The following BCL7A variants were observed in gnomAD, a reference collection of about 807,000 sequenced individuals.
BCL7A encodes the protein BAF chromatin remodeling complex subunit BCL7A.
Under a neutral mutation model 28.4 loss-of-function variants are expected in BCL7A, and 11 were observed. The ratio of observed to expected loss-of-function variants is 0.39; its 90% CI spans 0.24 to 0.64. The LOEUF is 0.64. BCL7A is among the 30% of genes least tolerant of loss of function. The pLI is 0.50. For missense variants in BCL7A, 222 were observed against 274.8 expected, an observed-to-expected ratio of 0.81 and a Z score of 1.36; for synonymous variants, 123 against 103.3, an observed-to-expected ratio of 1.19 and a Z score of -1.15.
In BCL7A at chr12:122,043,986, C is replaced by T; in HGVS notation, c.372C>T (p.Pro124=). ...CTCCAGAGCCCAACTCGGCTGTGCC[C>T]AGCGACGGCACCGAGGCCAAGGTGG... ...SPAPEPNSAV[P]SDGTEAKVDE... Residue 124 remains proline, a synonymous_variant, in exon 4 of 6, where the codon CCC becomes CCT. Coordinates refer to ENST00000261822, the MANE Select transcript of BCL7A (RefSeq NM_001024808.3). The T allele has an allele frequency of 6.2e-7, 1 of 1,613,992 alleles. No individual in the cohort carries two copies. Among genetic ancestry groups the T allele is most frequent in the Non-Finnish European group, 8.5e-7 (1 of 1,180,022 alleles).
intron 4 of BCL7A, among the ~76,000 whole-genome samples, chr12:122,053,296 A>C (rs1884237330): frequency 6.6e-6 from 1 of 152,170 alleles, no homozygotes; most frequent in African/African-American, 2.4e-5. Flanking sequence ...GCGCCCGGCC[A>C]GGGCTCCTAG....
chr12:122,037,001 G>A (rs1352621345), intron 3 of BCL7A, among the ~76,000 whole-genome samples: 4 of 152,122 alleles, frequency 2.6e-5, no homozygotes, highest in African/African-American at 4.8e-5. Flanking sequence ...CACCGCACCC[G>A]TCCCTAAAGC....
chr12:122,023,259 G>A (rs965084804), intron 1 of BCL7A, among the ~76,000 whole-genome samples: 4 of 152,128 alleles, frequency 2.6e-5, no homozygotes, highest in African/African-American at 9.7e-5. Flanking sequence ...TTTTTCCCAC[G>A]CCTTCACTGG....
chr12:122,040,868 G>T lies in BCL7A; in HGVS notation c.272-3018G>T, dbSNP rs986473853. On this transcript the variant is annotated intron_variant, in intron 3 of 5. Coordinates refer to ENST00000261822, the MANE Select transcript of BCL7A (RefSeq NM_001024808.3). ...AGTATCAGGGTCACGCTGTTACCAG[G>T]CTACCAGGCTAGACCAGACGTTAAA... 2.0e-5 allele frequency among the ~76,000 whole-genome samples: 3 copies of T among 152,160 alleles called. No individual in the cohort carries two copies. The East Asian group carries it at 5.8e-4, about 29-fold the overall frequency.
At chr12:122,040,288 T>C (rs1425467972) in intron 3 of BCL7A, among the ~76,000 whole-genome samples, 1 of 152,146 alleles carries the variant, frequency 6.6e-6, no homozygotes, top group East Asian at 1.9e-4. Flanking sequence ...CCTAGGACTT[T>C]GGGAGGCCAA....
intron 1 of BCL7A, among the ~76,000 whole-genome samples, chr12:122,025,515 T>A (rs1883605914): frequency 6.6e-6 from 1 of 150,630 alleles, no homozygotes; most frequent in Admixed American, 6.6e-5. Context: ...TAGTCCCAGC[T>A]ACTTGGGAGG....
rs776212842 is a variant in BCL7A, at chr12:122,021,957, T to TGTGTGTGTGTGTGTGA, written c.-134_-133insTGTGTGTGTGTGTGAG. ...GTGTGTGTGTGTGTGTGTGTGTGTGTGAGTGTGTGCGTGTGAGAGTGCGAG... is the reference window on the plus strand; with the variant it reads ...GTGTGTGTGTGTGTGTGTGTGTGTGTGTGTGTGTGTGTGTGAGAGTGTGTGCGTGTGAGAGTGCGAG... On this transcript the variant is annotated 5_prime_UTR_variant, in exon 1 of 6. An upstream open reading frame in the 5' UTR loses its in-frame stop. Coordinates refer to ENST00000261822, the MANE Select transcript of BCL7A (RefSeq NM_001024808.3). The TGTGTGTGTGTGTGTGA allele has an allele frequency of 2.4e-5, 14 of 583,966 alleles. No homozygotes were observed. The highest frequency in any genetic ancestry group is 1.1e-4 in the Admixed American group (4 of 37,920). The allele number at this position is 583,966 out of a possible 1,614,324, so 36.2% of individuals were successfully genotyped here.
chr12:122,055,816 C>G (rs1309825552), intron 5 of BCL7A, among the ~76,000 whole-genome samples: 2 of 152,210 alleles, frequency 1.3e-5, no homozygotes, highest in African/African-American at 4.8e-5. Context: ...ATGGGTTTCA[C>G]CATGTTGGCC....
Position 122,038,431 on chromosome 12 carries a change from C to CAAAAAAAA in BCL7A, c.271+3025_271+3032dup, listed in dbSNP as rs56376395. Among the ~76,000 whole-genome samples, 24 of 33,552 alleles carry CAAAAAAAA rather than the reference C, an allele frequency of 7.2e-4. 1 individual carries two copies. Among genetic ancestry groups the CAAAAAAAA allele is most frequent in the Non-Finnish European group, 1.2e-3 (17 of 14,078 alleles). The allele number at this position is 33,552 out of a possible 152,430, so 22.0% of individuals were successfully genotyped here. On this transcript the variant is annotated intron_variant, in intron 3 of 5. Coordinates refer to ENST00000261822, the MANE Select transcript of BCL7A (RefSeq NM_001024808.3). ...TGGGCAAAGGAGCGAGACTCTGCCT[C>CAAAAAAAA]AAAAAAAAAAAAAAAAAAAAAAAAA...
rs543554949 is a variant in BCL7A at position 122,049,063 on chromosome 12, CA to C, written c.439+5011del. Among the ~76,000 whole-genome samples, 4 of 123,570 alleles carry C rather than the reference CA, an allele frequency of 3.2e-5. No individual in the cohort carries two copies. The South Asian group carries it at 1.1e-3, about 33-fold the overall frequency. 81.1% of individuals were successfully genotyped at this position (123,570 alleles called of 152,430 possible). A position where few individuals can be genotyped will look rare whatever the true frequency, so the allele number is the denominator to read the frequency against. ...ATATATATATATATATACATATACA[CA>C]CACACAAAAAAAAATACATAAAACT... On this transcript the variant is annotated intron_variant, in intron 4 of 5. Coordinates refer to ENST00000261822, the MANE Select transcript of BCL7A (RefSeq NM_001024808.3).
At chr12:122,044,266 T>C (rs1275376310) in intron 4 of BCL7A, 2 of 548,060 alleles carry the variant, frequency 3.6e-6, no homozygotes, top group Non-Finnish European at 6.2e-6. Flanking sequence ...CCCTGCACTT[T>C]AGGAGGCCAA....
intron 1 of BCL7A, among the ~76,000 whole-genome samples, chr12:122,022,518 C>G (rs2135833258): frequency 6.9e-6 from 1 of 145,120 alleles, no homozygotes; most frequent in East Asian, 2.0e-4. Context: ...TCGGGGCCGG[C>G]CCCAGAAGCC....
At chr12:122,023,653 A>C (rs902916572) in intron 1 of BCL7A, among the ~76,000 whole-genome samples, 1 of 152,240 alleles carries the variant, frequency 6.6e-6, no homozygotes, top group African/African-American at 2.4e-5. Flanking sequence ...AGGCTTTCCA[A>C]AGTTGAGATC....
chr12:122,053,747 G>T (rs1346207325), intron 4 of BCL7A, among the ~76,000 whole-genome samples: 1 of 148,996 alleles, frequency 6.7e-6, no homozygotes, highest in African/African-American at 2.5e-5. Flanking sequence ...GGGTGGAGCA[G>T]CAGGAAGACA....
At chr12:122,034,100 G>A (rs1470838159) in intron 2 of BCL7A, among the ~76,000 whole-genome samples, 1 of 148,962 alleles carries the variant, frequency 6.7e-6, no homozygotes, top group East Asian at 2.0e-4. Context: ...AAACATGCAT[G>A]TAAATACACG....
At position 122,033,463 on chromosome 12, in the gene BCL7A, G is replaced by A. The variant is rs560171192; in HGVS notation, c.175-1868G>A. ...CAAGTAGATAGGACTACAGGCGCGCGCCACCACGTCCAGCTAATTTTTGTA... is the reference window on the plus strand; with the variant it reads ...CAAGTAGATAGGACTACAGGCGCGCACCACCACGTCCAGCTAATTTTTGTA... On this transcript the variant is annotated intron_variant, in intron 2 of 5. Transcript: ENST00000261822. Among the ~76,000 whole-genome samples, 217 of 152,230 alleles carry A rather than the reference G, an allele frequency of 1.4e-3. 1 individual carries two copies. Among genetic ancestry groups the A allele is most frequent in the African/African-American group, 5.1e-3 (212 of 41,534 alleles).
At chr12:122,036,106 G>T in intron 3 of BCL7A, among the ~76,000 whole-genome samples, 1 of 152,134 alleles carries the variant, frequency 6.6e-6, no homozygotes, top group Non-Finnish European at 1.5e-5. Context: ...CTCCCAAAGT[G>T]CTGGGATTAC....
At chr12:122,048,567 G>A (rs1884124304) in intron 4 of BCL7A, among the ~76,000 whole-genome samples, 2 of 151,808 alleles carry the variant, frequency 1.3e-5, no homozygotes, top group Non-Finnish European at 2.9e-5. Context: ...CCTGAGCAAC[G>A]TGGTGAAACC....
intron 3 of BCL7A, among the ~76,000 whole-genome samples, chr12:122,039,043 T>A (rs1442907367): frequency 6.6e-6 from 1 of 151,968 alleles, no homozygotes; most frequent in Non-Finnish European, 1.5e-5. Context: ...GTATCTATAG[T>A]CCCAGCATTC....
Sources: gnomAD v4.1 joint callset for allele counts (sites outside exome capture counted in the v4.1 genomes callset) on GRCh38, gnomAD v4.1.1 for gene constraint, MANE v1.5 for transcripts, NCBI Gene and HGNC (gene_info 2026-07-23, HGNC 2026-07-21) for gene names.